Variants in ARFIP1 observed in about 807,000 individuals in gnomAD.
The protein encoded by ARFIP1 is ARF interacting protein 1, also known as arfaptin-1.
In ARFIP1, 24 loss-of-function variants were observed where a neutral mutation model predicts 42.5. The ratio of observed to expected loss-of-function variants is 0.57; its 90% CI spans 0.41 to 0.80. The LOEUF (loss-of-function observed/expected upper bound fraction) is 0.80. Ranked by LOEUF, ARFIP1 falls within the 30% of genes least tolerant of loss-of-function variation. ARFIP1 has a pLI of 0.00. For missense variants in ARFIP1, 354 were observed against 434.0 expected (o/e 0.82, Z 1.64); for synonymous variants, 141 against 153.7 (o/e 0.92, Z 0.61).
rs961041758 is a variant in ARFIP1, at chr4:152,847,364, C to T, written c.94-16242C>T. Among the ~76,000 whole-genome samples the T allele has an allele frequency of 6.6e-5, 10 of 151,598 alleles. No homozygotes were observed. The South Asian group carries it at 1.0e-3, about 16-fold the overall frequency. ...GCCAGGCTGGTCTTGAACTCTTGACCTCAGGTGATCCTCCTGCCCTGGTCC... is the reference window on the plus strand; with the variant it reads ...GCCAGGCTGGTCTTGAACTCTTGACTTCAGGTGATCCTCCTGCCCTGGTCC... On this transcript the variant is annotated intron_variant, in intron 2 of 8. Transcript: ENST00000353617.
chr4:152,872,161 A>G (rs954761511), intron 4 of ARFIP1, among the ~76,000 whole-genome samples: 3 of 152,172 alleles, frequency 2.0e-5, no homozygotes, highest in Admixed American at 2.0e-4. Flanking sequence ...AGTAAGCGGC[A>G]GCTTATATAG....
intron 1 of ARFIP1, among the ~76,000 whole-genome samples, chr4:152,814,389 T>C (rs1026464555): frequency 2.0e-5 from 3 of 152,170 alleles, no homozygotes; most frequent in Non-Finnish European, 4.4e-5. Context: ...CCACCACTCC[T>C]AGCCAGTTTC....
chr4:152,876,263 T>A (rs755813852), intron 5 of ARFIP1, among the ~76,000 whole-genome samples: 1 of 152,216 alleles, frequency 6.6e-6, no homozygotes, highest in Non-Finnish European at 1.5e-5. Context: ...TCCTAGAGAT[T>A]TGTTAAATGG....
intron 1 of ARFIP1, among the ~76,000 whole-genome samples, chr4:152,818,801 G>T (rs911091607): frequency 2.6e-5 from 4 of 152,186 alleles, no homozygotes; most frequent in African/African-American, 9.7e-5. Context: ...TGGGTTGTGA[G>T]ACCTGCCTTG....
intron 8 of ARFIP1, among the ~76,000 whole-genome samples, chr4:152,905,545 G>GCTTTTTTTTTT (rs1554036969): frequency 6.6e-5 from 2 of 30,372 alleles, no homozygotes; most frequent in African/African-American, 2.5e-4. Flanking sequence ...TGTAAGAATT[G>GCTTTTTTTTTT]TTTTTTTTTT....
Position 152,862,111 on chromosome 4 carries a change from G to A in ARFIP1, c.94-1495G>A, listed in dbSNP as rs7681104. 4.4e-3 allele frequency among the ~76,000 whole-genome samples: 676 copies of A among 152,228 alleles called. 4 individuals are homozygous for A. The highest frequency in any genetic ancestry group is 0.015 in the African/African-American group (633 of 41,538). ...TCTCTCAACATAGACCTTTAGCGACGTTGGCCATGGTAGCCTAGTTGCTGG... is the reference window on the plus strand; with the variant it reads ...TCTCTCAACATAGACCTTTAGCGACATTGGCCATGGTAGCCTAGTTGCTGG... On this transcript the variant is annotated intron_variant, in intron 2 of 8. Transcript: ENST00000353617.
At chr4:152,796,733 AAC>A (rs1467798631) in intron 1 of ARFIP1, 2 of 803,014 alleles carry the variant, frequency 2.5e-6, no homozygotes, top group African/African-American at 3.4e-5. Context: ...GCCTTCTTTG[AAC>A]ATTCTTGAGC....
At chr4:152,821,388 A>G (rs1315818764) in intron 1 of ARFIP1, among the ~76,000 whole-genome samples, 1 of 152,224 alleles carries the variant, frequency 6.6e-6, no homozygotes, top group Non-Finnish European at 1.5e-5. Context: ...AAGTAGGAAA[A>G]AGAATTTCAG....
intron 1 of ARFIP1, among the ~76,000 whole-genome samples, chr4:152,826,256 G>C (rs1369299277): frequency 6.6e-6 from 1 of 151,950 alleles, no homozygotes; most frequent in African/African-American, 2.4e-5. Context: ...AAGAAAATGG[G>C]GTTTATATAT....
At chr4:152,796,443 A>C (rs1308593932) in intron 1 of ARFIP1, 1 of 741,424 alleles carries the variant, frequency 1.3e-6, no homozygotes, top group Non-Finnish European at 2.5e-6. Context: ...TGAATAACTT[A>C]ATGCTTCTGT....
chr4:152,894,502 A>C (rs1737148037), intron 8 of ARFIP1, among the ~76,000 whole-genome samples: 1 of 152,208 alleles, frequency 6.6e-6, no homozygotes. Flanking sequence ...AAAAATATTC[A>C]TGCCAGTGAC....
intron 2 of ARFIP1, among the ~76,000 whole-genome samples, chr4:152,840,543 TG>T (rs1446446629): frequency 6.6e-6 from 1 of 152,212 alleles, no homozygotes; most frequent in East Asian, 1.9e-4. Flanking sequence ...CTTTAAAATT[TG>T]TTTTGTCTGA....
intron 2 of ARFIP1, among the ~76,000 whole-genome samples, chr4:152,843,058 G>A (rs1398261248): frequency 6.6e-6 from 1 of 152,202 alleles, no homozygotes; most frequent in African/African-American, 2.4e-5. Context: ...CTGTCAGAGG[G>A]AAGGTCTAGG....
chr4:152,880,770 C>G (rs1460383772), intron 5 of ARFIP1, among the ~76,000 whole-genome samples, 193 bp from the exon 6 acceptor site: 1 of 152,062 alleles, frequency 6.6e-6, no homozygotes, highest in Non-Finnish European at 1.5e-5. Context: ...TTAAAACTTC[C>G]TTTGATTAGT....
chr4:152,791,729 A>T (rs891362048), intron 1 of ARFIP1, among the ~76,000 whole-genome samples: 1 of 152,202 alleles, frequency 6.6e-6, no homozygotes, highest in Non-Finnish European at 1.5e-5. Flanking sequence ...AATAAGTATG[A>T]CCACCAGCTG....
intron 1 of ARFIP1, among the ~76,000 whole-genome samples, chr4:152,814,642 A>G (rs1729729456): frequency 6.6e-6 from 1 of 152,214 alleles, no homozygotes; most frequent in African/African-American, 2.4e-5. Flanking sequence ...GTGATTCATG[A>G]TCACCCTATT....
chr4:152,835,693 C>A (rs1731591848), intron 2 of ARFIP1, among the ~76,000 whole-genome samples: 1 of 152,172 alleles, frequency 6.6e-6, no homozygotes, highest in South Asian at 2.1e-4. Context: ...AATACTTACT[C>A]CTCGGTATCA....
chr4:152,796,203 T>C (rs1349556917), intron 1 of ARFIP1: 4 of 801,504 alleles, frequency 5.0e-6, no homozygotes, highest in Non-Finnish European at 8.8e-6. Flanking sequence ...TCTTTAGTAA[T>C]AACACCCAAA....
At chr4:152,872,591 C>T (rs757431770) in intron 5 of ARFIP1, 27 bp downstream of exon 5, 29 of 1,340,484 alleles carry the variant, frequency 2.2e-5, no homozygotes, top group Non-Finnish European at 2.8e-5. Context: ...TGTTTCCACC[C>T]TAAATGGCTC....
Sources: gnomAD v4.1 joint callset for allele counts (sites outside exome capture counted in the v4.1 genomes callset) on GRCh38, gnomAD v4.1.1 for gene constraint, MANE v1.5 for transcripts, NCBI Gene and HGNC (gene_info 2026-07-23, HGNC 2026-07-21) for gene names.